Variants in GNAQ observed in about 807,000 individuals in gnomAD.
GNAQ encodes G protein subunit alpha q.
A neutral mutation model predicts 43.9 loss-of-function variants in GNAQ; 8 were observed. The observed-to-expected ratio is 0.18, with a 90% CI of 0.11 to 0.33. GNAQ has a LOEUF of 0.33. Ranked by LOEUF, GNAQ falls within the 10% of genes least tolerant of loss-of-function variation. The pLI, the probability that GNAQ is intolerant of heterozygous loss-of-function variation, is 1.00. For synonymous variants in GNAQ, 155 were observed against 170.7 expected, an observed-to-expected ratio of 0.91 and a Z score of 0.71; for missense variants, 158 against 450.8, an observed-to-expected ratio of 0.35 and a Z score of 5.88.
rs1386082436 is a variant in GNAQ at position 77,717,095 on chromosome 9, A to C, written c.*4228T>G. On this transcript the variant is annotated 3_prime_UTR_variant, in exon 7 of 7. Coordinates refer to ENST00000286548, the MANE Select transcript of GNAQ (RefSeq NM_002072.5). ...TTTGATGGAACCAAAATGAAATCCC[A>C]AAGACACAGTTACCAGGACAGATCT... The C allele has an allele frequency of 4.3e-6, 1 of 232,594 alleles. No individual in the cohort carries two copies. The highest frequency in any genetic ancestry group is 8.5e-6 in the Non-Finnish European group (1 of 117,722). 14.4% of individuals were successfully genotyped at this position (232,594 alleles called of 1,614,324 possible).
intron 5 of GNAQ, among the ~76,000 whole-genome samples, chr9:77,747,205 TAATA>T (rs1393716380): frequency 4.6e-5 from 7 of 151,984 alleles, no homozygotes; most frequent in African/African-American, 1.7e-4. Context: ...GTTATTAAAA[TAATA>T]AATATATTCT....
intron 2 of GNAQ, among the ~76,000 whole-genome samples, chr9:77,848,495 G>A (rs1174433772): frequency 2.6e-5 from 4 of 152,188 alleles, no homozygotes; most frequent in Admixed American, 6.5e-5. Context: ...ACCCCAAATT[G>A]GCCTGTTTTC....
chr9:77,723,856 A>G (rs1825356912), intron 6 of GNAQ, among the ~76,000 whole-genome samples: 1 of 152,178 alleles, frequency 6.6e-6, no homozygotes, highest in Non-Finnish European at 1.5e-5. Flanking sequence ...ATGGCTGCAC[A>G]GTATTGTGAG....
At chr9:77,868,566 G>C (rs1012342572) in intron 2 of GNAQ, among the ~76,000 whole-genome samples, 11 of 152,192 alleles carry the variant, frequency 7.2e-5, no homozygotes, top group African/African-American at 2.7e-4. Context: ...GGGAGGCAGA[G>C]GCGGGCTGAT....
At chr9:77,929,674 T>C (rs1829120277) in intron 1 of GNAQ, among the ~76,000 whole-genome samples, 1 of 151,682 alleles carries the variant, frequency 6.6e-6, no homozygotes, top group South Asian at 2.1e-4. Flanking sequence ...CTACTAAAAA[T>C]ACAAAAAAAA....
chr9:77,967,298 T>C (rs1220143206), intron 1 of GNAQ, among the ~76,000 whole-genome samples: 1 of 152,144 alleles, frequency 6.6e-6, no homozygotes, highest in Non-Finnish European at 1.5e-5. Context: ...GGCCACTCCG[T>C]GCTTTTAACA....
At chr9:77,971,510 C>A (rs561279739) in intron 1 of GNAQ, among the ~76,000 whole-genome samples, 1 of 152,174 alleles carries the variant, frequency 6.6e-6, no homozygotes, top group African/African-American at 2.4e-5. Flanking sequence ...ATCACATGAA[C>A]AGAACCAACG....
intron 1 of GNAQ, among the ~76,000 whole-genome samples, chr9:78,020,115 G>C (rs1236593743): frequency 1.4e-4 from 21 of 152,208 alleles, no homozygotes; most frequent in South Asian, 2.1e-4. Flanking sequence ...CACTTTGCAT[G>C]AATCTACCTG....
At chr9:77,841,218 C>T (rs1157507386) in intron 2 of GNAQ, among the ~76,000 whole-genome samples, 1 of 152,126 alleles carries the variant, frequency 6.6e-6, no homozygotes, top group Non-Finnish European at 1.5e-5. Context: ...AAAAAGAAAA[C>T]TCCGAATGTA....
intron 2 of GNAQ, among the ~76,000 whole-genome samples, chr9:77,847,819 T>C (rs919842462): frequency 1.3e-4 from 20 of 152,324 alleles, no homozygotes; most frequent in African/African-American, 4.6e-4. Context: ...AGCATTCTGC[T>C]CACCAAGCTG....
chr9:77,837,063 T>C (rs1300791730), intron 2 of GNAQ, among the ~76,000 whole-genome samples: 1 of 152,212 alleles, frequency 6.6e-6, no homozygotes, highest in Non-Finnish European at 1.5e-5. Flanking sequence ...AATGGACATA[T>C]GAAATTCAGT....
chr9:77,870,581 T>A (rs1206968745), intron 2 of GNAQ, among the ~76,000 whole-genome samples: 1 of 152,014 alleles, frequency 6.6e-6, no homozygotes, highest in East Asian at 1.9e-4. Flanking sequence ...CCGCCTTGCC[T>A]CCCAAAGTGC....
chr9:77,955,052 G>GT (rs1227053686), intron 1 of GNAQ, among the ~76,000 whole-genome samples: 17 of 152,212 alleles, frequency 1.1e-4, no homozygotes, highest in African/African-American at 3.9e-4. Context: ...TAAGATACAC[G>GT]TATGACACAG....
At chr9:77,970,055 C>A (rs1462943142) in intron 1 of GNAQ, among the ~76,000 whole-genome samples, 1 of 152,004 alleles carries the variant, frequency 6.6e-6, no homozygotes, top group South Asian at 2.1e-4. Context: ...GCTGTCTCTA[C>A]CAAAAACACA....
chr9:77,874,907 C>T (rs1456888906), intron 2 of GNAQ, among the ~76,000 whole-genome samples: 1 of 151,876 alleles, frequency 6.6e-6, no homozygotes, highest in Non-Finnish European at 1.5e-5. Context: ...ACATGTGAGC[C>T]ACCTCACATG....
At chr9:77,922,409 A>C in intron 1 of GNAQ, 64 bp from the exon 2 acceptor site, 5 of 1,134,066 alleles carry the variant, frequency 4.4e-6, no homozygotes, top group East Asian at 2.4e-5. Flanking sequence ...AGATAACTAA[A>C]CCAAATACCA....
In GNAQ at chr9:77,720,428, C is replaced by A. The variant is rs1825293295; in HGVS notation, c.*895G>T. On this transcript the variant is annotated 3_prime_UTR_variant, in exon 7 of 7. Coordinates refer to ENST00000286548, the MANE Select transcript of GNAQ (RefSeq NM_002072.5). ...ACAACAACAAAAAAATTAAGAACAA[C>A]CTATAAAAAGGTTCTGGGTAGCAGC... is the stretch of plus-strand genomic sequence containing the variant. The A allele has an allele frequency of 4.3e-6, 1 of 233,254 alleles. No homozygotes were observed. The allele number at this position is 233,254 out of a possible 1,614,324, so 14.4% of individuals were successfully genotyped here.
At chr9:77,899,598 G>A (rs1828565537) in intron 2 of GNAQ, among the ~76,000 whole-genome samples, 2 of 151,822 alleles carry the variant, frequency 1.3e-5, no homozygotes, top group South Asian at 4.2e-4. Flanking sequence ...GAAAAAAAAG[G>A]AATATAATCA....
chr9:78,027,197 T>C (rs1823993489), intron 1 of GNAQ, among the ~76,000 whole-genome samples: 1 of 152,214 alleles, frequency 6.6e-6, no homozygotes, highest in South Asian at 2.1e-4. Context: ...AATGCATTTA[T>C]AATCAGTTGG....
Sources: allele counts gnomAD v4.1 joint callset (sites outside exome capture counted in the v4.1 genomes callset), GRCh38; gene constraint gnomAD v4.1.1; transcripts MANE v1.5; gene names NCBI Gene and HGNC (gene_info 2026-07-23, HGNC 2026-07-21).